Variants in DLC1 observed in about 807,000 individuals in gnomAD.
DLC1 encodes the protein DLC1 Rho GTPase activating protein.
DLC1 carries 54 observed loss-of-function variants against 140.3 expected under a neutral mutation model. The ratio of observed to expected loss-of-function variants is 0.38; its 90% CI spans 0.31 to 0.48. The LOEUF (loss-of-function observed/expected upper bound fraction) is 0.48. DLC1 is among the 20% of genes least tolerant of loss of function. DLC1 has a pLI of 0.96. For missense variants in DLC1, 2,536 were observed against 1,907.0 expected, an observed-to-expected ratio of 1.33 and a Z score of -6.14; for synonymous variants, 986 against 728.1, an observed-to-expected ratio of 1.35 and a Z score of -5.70.
In DLC1 at chr8:13,291,983, GT is replaced by G. The variant is rs1473208021; in HGVS notation, c.1348+13285del. On this transcript the variant is annotated intron_variant, in intron 5 of 17. Transcript: ENST00000276297. ...GAAACAGACAAACAAAAAATGCAAT[GT>G]TTTCTTTTTTTTTTTTTTCTATCTT... 1.0e-4 allele frequency among the ~76,000 whole-genome samples: 5 copies of G among 49,458 alleles called. No individual in the cohort carries two copies. The East Asian group carries it at 4.1e-3, about 41-fold the overall frequency. 32.4% of individuals were successfully genotyped at this position (49,458 alleles called of 152,430 possible). A position where few individuals can be genotyped will look rare whatever the true frequency, so the allele number is the denominator to read the frequency against.
At chr8:13,570,052 A>T (rs17116079) in intron 1 of DLC1, among the ~76,000 whole-genome samples, 1 of 152,078 alleles carries the variant, frequency 6.6e-6, no homozygotes, top group African/African-American at 2.4e-5. Context: ...CTAACACACA[A>T]ATCTGTTCAA....
chr8:13,171,010 T>G (rs1039897399), intron 5 of DLC1, among the ~76,000 whole-genome samples: 2 of 152,220 alleles, frequency 1.3e-5, no homozygotes, highest in Non-Finnish European at 2.9e-5. Flanking sequence ...ACTCATGTTA[T>G]GTTTACTGAT....
At chr8:13,558,878 C>G (rs73665144) in intron 1 of DLC1, 1 of 152,084 alleles carries the variant, frequency 6.6e-6, no homozygotes, top group Non-Finnish European at 1.5e-5. Flanking sequence ...TACTTCAAGC[C>G]TTTTATCTCT....
chr8:13,549,006 T>G (rs544282005), intron 1 of DLC1, among the ~76,000 whole-genome samples: 40 of 151,980 alleles, frequency 2.6e-4, no homozygotes, highest in Non-Finnish European at 4.9e-4. Flanking sequence ...TATAAGACAT[T>G]TATCTTATTT....
chr8:13,526,123 C>T (rs1176398212), intron 1 of DLC1, among the ~76,000 whole-genome samples: 2 of 152,138 alleles, frequency 1.3e-5, no homozygotes. Flanking sequence ...ATCAATTGAC[C>T]AACTATGTGT....
chr8:13,283,343 T>C (rs754408783), intron 5 of DLC1, among the ~76,000 whole-genome samples: 4 of 151,904 alleles, frequency 2.6e-5, no homozygotes, highest in Admixed American at 6.6e-5. Context: ...AAATCAACTT[T>C]TTTTTTCCAG....
chr8:13,119,925 A>G (rs1585682426), intron 5 of DLC1, among the ~76,000 whole-genome samples: 2 of 151,754 alleles, frequency 1.3e-5, no homozygotes, highest in East Asian at 3.9e-4. Context: ...AAAAAAAAAA[A>G]AAACTTATAA....
At chr8:13,568,234 T>C (rs1804525954) in intron 1 of DLC1, 2 of 291,884 alleles carry the variant, frequency 6.9e-6, no homozygotes, top group South Asian at 8.5e-5. Context: ...AATAACTGTC[T>C]TTGGCGATCA....
intron 7 of DLC1, among the ~76,000 whole-genome samples, chr8:13,106,146 C>T (rs1197166033): frequency 6.6e-6 from 1 of 152,178 alleles, no homozygotes; most frequent in Non-Finnish European, 1.5e-5. Context: ...CTGCATGGAG[C>T]TGCAGGAACC....
At chr8:13,321,986 C>T (rs1833146761) in intron 4 of DLC1, among the ~76,000 whole-genome samples, 3 of 152,026 alleles carry the variant, frequency 2.0e-5, no homozygotes, top group African/African-American at 7.2e-5. Context: ...TTTCATAGAT[C>T]CTCTATTTGG....
intron 5 of DLC1, among the ~76,000 whole-genome samples, chr8:13,234,937 G>A (rs1262534001): frequency 1.3e-5 from 2 of 152,014 alleles, no homozygotes; most frequent in Non-Finnish European, 2.9e-5. Flanking sequence ...AATATTTTGA[G>A]ACCCTTAGTA....
rs376660880 is a variant in DLC1 at position 13,237,197 on chromosome 8, A to ATGTGTG, written c.1348+68066_1348+68071dup. Among the ~76,000 whole-genome samples, 1,139 of 138,176 alleles carry ATGTGTG rather than the reference A, an allele frequency of 8.2e-3. 8 individuals carry two copies. The highest frequency in any genetic ancestry group is 0.015 in the South Asian group (68 of 4,388). 90.6% of individuals were successfully genotyped at this position (138,176 alleles called of 152,430 possible). A position where few individuals can be genotyped will look rare whatever the true frequency, so the allele number is the denominator to read the frequency against. On this transcript the variant is annotated intron_variant, in intron 5 of 17. Coordinates refer to ENST00000276297, the MANE Select transcript of DLC1 (RefSeq NM_182643.3). ...GGAGGATGTGTGTATATATATATATATGTGTGTGTGTGTGTGTGTGTGTGT... is the reference window on the plus strand; with the variant it reads ...GGAGGATGTGTGTATATATATATATATGTGTGTGTGTGTGTGTGTGTGTGTGTGTGT...
chr8:13,466,216 C>T (rs1029973459), intron 2 of DLC1, among the ~76,000 whole-genome samples: 2 of 152,216 alleles, frequency 1.3e-5, no homozygotes, highest in African/African-American at 4.8e-5. Context: ...AGGCCATCAT[C>T]CACAGGTCAC....
chr8:13,598,393 T>C (rs1234916403), intron 1 of DLC1, among the ~76,000 whole-genome samples: 5 of 151,500 alleles, frequency 3.3e-5, no homozygotes, highest in Non-Finnish European at 7.4e-5. Context: ...AGACAAAAGC[T>C]GAGGCTTTGT....
rs1272579189 is a variant in DLC1, at chr8:13,090,595, C to T, written c.3856-125G>A. The T allele has an allele frequency of 7.2e-6, 8 of 1,105,378 alleles. No homozygotes were observed. The East Asian group carries it at 1.8e-4, about 25-fold the overall frequency. The allele number at this position is 1,105,378 out of a possible 1,614,324, so 68.5% of individuals were successfully genotyped here. A position where few individuals can be genotyped will look rare whatever the true frequency, so the allele number is the denominator to read the frequency against. On this transcript the variant is annotated intron_variant, in intron 14 of 17. Coordinates refer to ENST00000276297, the MANE Select transcript of DLC1 (RefSeq NM_182643.3). ...TTAAAGCAGTGCAGGCATCTTCCCG[C>T]CGGAGGTGGGCTATCATGCTGACCG...
At chr8:13,353,947 T>G (rs538452976) in intron 4 of DLC1, among the ~76,000 whole-genome samples, 2 of 152,202 alleles carry the variant, frequency 1.3e-5, no homozygotes, top group African/African-American at 2.4e-5. Flanking sequence ...TCAGTGATGG[T>G]TGAAAGTGAA....
intron 10 of DLC1, among the ~76,000 whole-genome samples, chr8:13,096,469 G>A (rs1001740763): frequency 9.9e-5 from 15 of 152,226 alleles, no homozygotes; most frequent in African/African-American, 3.4e-4. Context: ...AGTTAAGTTT[G>A]TATTTCCATA....
intron 5 of DLC1, among the ~76,000 whole-genome samples, chr8:13,175,570 A>T (rs1405112289): frequency 6.6e-6 from 1 of 152,182 alleles, no homozygotes; most frequent in Admixed American, 6.5e-5. Context: ...ACTTAAAAAA[A>T]TAACTCTATA....
intron 7 of DLC1, among the ~76,000 whole-genome samples, chr8:13,109,345 C>A (rs1819869048): frequency 6.6e-6 from 1 of 151,466 alleles, no homozygotes; most frequent in South Asian, 2.1e-4. Context: ...CTGCTTGAGC[C>A]CAGGAGTTCA....
Sources: allele counts gnomAD v4.1 joint callset (sites outside exome capture counted in the v4.1 genomes callset), GRCh38; gene constraint gnomAD v4.1.1; transcripts MANE v1.5; gene names NCBI Gene and HGNC (gene_info 2026-07-23, HGNC 2026-07-21).